KCNJ6: variants seen among roughly 807,000 people sequenced by gnomAD.
KCNJ6 encodes the protein potassium inwardly rectifying channel subfamily J member 6.
KCNJ6 carries 9 observed loss-of-function variants against 34.2 expected under a neutral mutation model. The observed-to-expected ratio is 0.26, with a 90% CI of 0.16 to 0.46. The LOEUF (loss-of-function observed/expected upper bound fraction) is 0.46. Ranked by LOEUF, KCNJ6 falls within the 20% of genes least tolerant of loss-of-function variation. The pLI, the probability that KCNJ6 is intolerant of heterozygous loss-of-function variation, is 1.00. For missense variants in KCNJ6, 236 were observed against 531.3 expected (o/e 0.44, Z 5.46); for synonymous variants, 196 against 207.1 (o/e 0.95, Z 0.46).
rs372612469 is a variant in KCNJ6 at position 37,729,337 on chromosome 21, G to T, written c.26-14206C>A. Among the ~76,000 whole-genome samples the T allele has an allele frequency of 4.2e-4, 26 of 62,530 alleles. No homozygotes were observed. The East Asian group carries it at 5.2e-3, about 13-fold the overall frequency. The allele number at this position is 62,530 out of a possible 152,430, so 41.0% of individuals were successfully genotyped here. On this transcript the variant is annotated intron_variant, in intron 2 of 3. Transcript: ENST00000609713. ...ATACCCTGATTCTTCTTCTTTTTGG[G>T]GGGGGGGGCAGGGTCTCACTCTGTC...
At chr21:37,719,934 A>G (rs531203016) in intron 2 of KCNJ6, among the ~76,000 whole-genome samples, 2 of 152,194 alleles carry the variant, frequency 1.3e-5, no homozygotes, top group Non-Finnish European at 2.9e-5. Context: ...TGAATTTTGC[A>G]GGTGAAACTT....
chr21:37,799,193 T>C (rs1300053067), intron 2 of KCNJ6, among the ~76,000 whole-genome samples: 1 of 152,174 alleles, frequency 6.6e-6, no homozygotes, highest in African/African-American at 2.4e-5. Flanking sequence ...TGTTCCTGCA[T>C]TAGTTTGCTA....
intron 1 of KCNJ6, among the ~76,000 whole-genome samples, chr21:37,878,357 A>C (rs1006828331): frequency 2.6e-5 from 4 of 152,208 alleles, no homozygotes; most frequent in African/African-American, 9.7e-5. Flanking sequence ...CTTTCCCTAA[A>C]CTGTGAATTG....
intron 1 of KCNJ6, among the ~76,000 whole-genome samples, chr21:37,862,512 A>G (rs1160071062): frequency 1.3e-5 from 2 of 152,226 alleles, no homozygotes; most frequent in Admixed American, 1.3e-4. Context: ...TTATGATCTG[A>G]GTTCAAGCTA....
chr21:37,892,453 A>G (rs907970769), intron 1 of KCNJ6, among the ~76,000 whole-genome samples: 8 of 152,204 alleles, frequency 5.3e-5, no homozygotes, highest in Admixed American at 4.6e-4. Context: ...GTATCTGGCT[A>G]TATTTCTTGT....
At chr21:37,887,269 G>A (rs2055740621) in intron 1 of KCNJ6, among the ~76,000 whole-genome samples, 1 of 152,136 alleles carries the variant, frequency 6.6e-6, no homozygotes, top group Non-Finnish European at 1.5e-5. Flanking sequence ...CCCAGAGTTA[G>A]CACAGGGTCC....
intron 2 of KCNJ6, among the ~76,000 whole-genome samples, chr21:37,716,881 C>T (rs556688032): frequency 3.3e-5 from 5 of 152,328 alleles, no homozygotes; most frequent in Admixed American, 6.5e-5. Context: ...TAAGAAATTT[C>T]TTCCTCCAGA....
chr21:37,858,259 G>A (rs12626390), intron 1 of KCNJ6, among the ~76,000 whole-genome samples: 49,273 of 151,314 alleles, frequency 0.33, 8,655 homozygotes, highest in African/African-American at 0.46. Flanking sequence ...CAGGCGTAGT[G>A]GCGGGCGCCT....
intron 1 of KCNJ6, among the ~76,000 whole-genome samples, chr21:37,870,170 C>T (rs2055643113): frequency 6.6e-6 from 1 of 152,170 alleles, no homozygotes; most frequent in Admixed American, 6.5e-5. Flanking sequence ...ATGTATGTTG[C>T]AATGACCAGG....
chr21:37,898,538 C>T (rs964921280), intron 1 of KCNJ6, among the ~76,000 whole-genome samples: 23 of 150,334 alleles, frequency 1.5e-4, no homozygotes, highest in African/African-American at 1.7e-4. Context: ...GCCAAGATCA[C>T]GCTACTGGAC....
At chr21:37,637,744 A>G (rs2054364286) in intron 3 of KCNJ6, among the ~76,000 whole-genome samples, 1 of 152,138 alleles carries the variant, frequency 6.6e-6, no homozygotes, top group African/African-American at 2.4e-5. Context: ...GGCCTTAGGG[A>G]GATAAGTTAA....
At chr21:37,869,065 C>T (rs2055637314) in intron 1 of KCNJ6, among the ~76,000 whole-genome samples, 1 of 152,238 alleles carries the variant, frequency 6.6e-6, no homozygotes, top group Admixed American at 6.5e-5. Context: ...GATCCCTGAG[C>T]TGTGCTCTAG....
At position 37,624,878 on chromosome 21, in the gene KCNJ6, T is replaced by A; in HGVS notation, c.*281A>T. The A allele has an allele frequency of 2.2e-6, 1 of 458,050 alleles. No individual in the cohort carries two copies. The highest frequency in any genetic ancestry group is 3.9e-6 in the Non-Finnish European group (1 of 257,142). 28.4% of individuals were successfully genotyped at this position (458,050 alleles called of 1,614,324 possible). ...AACACATGCAGGTAAGTAACTGAAA[T>A]CTCCAGGAGTTGGATGTGTAGTATT... On this transcript the variant is annotated 3_prime_UTR_variant, in exon 4 of 4. Transcript: ENST00000609713.
At chr21:37,797,290 ATCTGCCCGCCTCGGTC>A (rs1568852096) in intron 2 of KCNJ6, among the ~76,000 whole-genome samples, 1 of 152,132 alleles carries the variant, frequency 6.6e-6, no homozygotes, top group Non-Finnish European at 1.5e-5. Context: ...ACCTCAAGTG[ATCTGCCCGCCTCGGTC>A]TCCCAAAGCA....
chr21:37,681,175 C>T (rs1023814414), intron 3 of KCNJ6, among the ~76,000 whole-genome samples: 2 of 152,256 alleles, frequency 1.3e-5, no homozygotes, highest in African/African-American at 2.4e-5. Flanking sequence ...TCGGTTCTCA[C>T]GACCCTAGTC....
rs569877885 is a variant in KCNJ6 at position 37,902,873 on chromosome 21, T to C, written c.-28+13011A>G. ...CTAACTCAAGAAGCCACCTAGTTTA[T>C]TGTTTTGATTTCTCTGACATGACAG... On this transcript the variant is annotated intron_variant, in intron 1 of 3. Transcript: ENST00000609713. 2.0e-5 allele frequency among the ~76,000 whole-genome samples: 3 copies of C among 152,336 alleles called. No homozygotes were observed. In the East Asian group the frequency reaches 5.8e-4, roughly 29 times the overall value.
chr21:37,717,107 T>A (rs2054796071), intron 2 of KCNJ6: 1 of 130,724 alleles, frequency 7.6e-6, no homozygotes, highest in South Asian at 2.4e-4. Flanking sequence ...CCTGGATCTG[T>A]TTTTGTGTTT....
chr21:37,891,415 G>C (rs1185283904), intron 1 of KCNJ6, among the ~76,000 whole-genome samples: 1 of 152,086 alleles, frequency 6.6e-6, no homozygotes, highest in African/African-American at 2.4e-5. Context: ...TGTCATTTTA[G>C]GTGTAGTGAG....
At chr21:37,898,173 T>C (rs1397001526) in intron 1 of KCNJ6, among the ~76,000 whole-genome samples, 2 of 152,230 alleles carry the variant, frequency 1.3e-5, no homozygotes, top group Non-Finnish European at 2.9e-5. Context: ...TTGCTGACGC[T>C]AGCCTGGCAT....
Sources: gnomAD v4.1 joint callset for allele counts (sites outside exome capture counted in the v4.1 genomes callset) on GRCh38, gnomAD v4.1.1 for gene constraint, MANE v1.5 for transcripts, NCBI Gene and HGNC (gene_info 2026-07-23, HGNC 2026-07-21) for gene names.